TOP1: variants seen among roughly 807,000 people sequenced by gnomAD.
TOP1 encodes DNA topoisomerase 1.
A neutral mutation model predicts 111.1 loss-of-function variants in TOP1; 10 were observed. That is an observed-to-expected ratio of 0.09 (90% CI 0.06 to 0.15). The LOEUF (loss-of-function observed/expected upper bound fraction) is 0.15. TOP1 is among the 10% of genes least tolerant of loss of function. The probability of loss-of-function intolerance (pLI) is 1.00; values close to 1 mark genes in which losing one functional copy is unlikely to be tolerated. For missense variants in TOP1, 474 were observed against 926.7 expected (o/e 0.51, Z 6.34); for synonymous variants, 271 against 302.9 (o/e 0.89, Z 1.10).
At position 41,069,365 on chromosome 20, in the gene TOP1, T is replaced by G. The variant is rs2033644411; in HGVS notation, c.156-6806T>G. ...ACTAACATGGGTAGGCAGAGAAGAT[T>G]GAACAGTTTGGAAATGAGGAAACTC... On this transcript the variant is annotated intron_variant, in intron 3 of 20. Coordinates refer to ENST00000361337, the MANE Select transcript of TOP1 (RefSeq NM_003286.4). This position sits in a 1 kb window ranked among gnomAD's most constrained non-coding sequence, Gnocchi z 4.1. 6.6e-6 allele frequency among the ~76,000 whole-genome samples: 1 copy of G among 152,192 alleles called. No homozygotes were observed. Among genetic ancestry groups the G allele is most frequent in the Non-Finnish European group, 1.5e-5 (1 of 68,030 alleles).
chr20:41,044,812 C>G (rs949042024), intron 2 of TOP1, among the ~76,000 whole-genome samples: 4 of 151,926 alleles, frequency 2.6e-5, no homozygotes, highest in Non-Finnish European at 4.4e-5. Context: ...GAGAGAGAGA[C>G]AAGAGTCTTG....
chr20:41,061,379 C>A lies in TOP1; in HGVS notation c.59-15C>A. The A allele has an allele frequency of 6.2e-7, 1 of 1,612,838 alleles. No homozygotes were observed. The highest frequency in any genetic ancestry group is 1.3e-5 in the African/African-American group (1 of 75,000). The stretch of plus-strand genomic sequence containing the variant: ...TCATGACTCCTGTTAACTGACTCAT[C>A]TCTTATGGTTGCAGATTCTCATAAA... On this transcript the variant is annotated splice_polypyrimidine_tract_variant and intron_variant, in intron 2 of 20. Coordinates refer to ENST00000361337, the MANE Select transcript of TOP1 (RefSeq NM_003286.4). This position sits in a 1 kb window ranked among gnomAD's most constrained non-coding sequence, Gnocchi z 4.6.
Position 41,029,490 on chromosome 20 carries a change from C to T in TOP1, c.58+35C>T, listed in dbSNP as rs778916520. 6.5e-7 allele frequency: 1 copy of T among 1,547,028 alleles called. No homozygotes were observed. The highest frequency in any genetic ancestry group is 1.2e-5 in the South Asian group (1 of 85,330). On this transcript the variant is annotated intron_variant, in intron 2 of 20. Coordinates refer to ENST00000361337, the MANE Select transcript of TOP1 (RefSeq NM_003286.4). This position sits in a 1 kb window ranked among gnomAD's most constrained non-coding sequence, Gnocchi z 6.1. Reference sequence around the variant, plus strand: ...CCCCCTGCGCCGACTCCGGGGCCCCCCAGCCGCCGGCCGCCTCCCCCGCGC... The same window carrying T: ...CCCCCTGCGCCGACTCCGGGGCCCCTCAGCCGCCGGCCGCCTCCCCCGCGC...
chr20:41,117,380 A>T (rs984455871), intron 17 of TOP1, among the ~76,000 whole-genome samples: 8 of 85,530 alleles, frequency 9.4e-5, no homozygotes, highest in African/African-American at 2.4e-4. Context: ...CTGTGGCTTA[A>T]TTTTTTTTTT....
intron 2 of TOP1, among the ~76,000 whole-genome samples, chr20:41,039,965 A>G (rs1243462941): frequency 6.6e-6 from 1 of 152,230 alleles, no homozygotes; most frequent in African/African-American, 2.4e-5. Context: ...CGGAATGGCT[A>G]GAGATGGTCA....
At chr20:41,117,019 CA>C (rs2034340707) in intron 17 of TOP1, among the ~76,000 whole-genome samples, 1 of 152,122 alleles carries the variant, frequency 6.6e-6, no homozygotes, top group Non-Finnish European at 1.5e-5. Context: ...CAAATAAAAA[CA>C]ATTTTTTTGG....
At chr20:41,037,411 A>G (rs1156698619) in intron 2 of TOP1, among the ~76,000 whole-genome samples, 1 of 152,212 alleles carries the variant, frequency 6.6e-6, no homozygotes, top group East Asian at 1.9e-4. Context: ...CTTCTCCCCC[A>G]AAACGTTTTT....
intron 2 of TOP1, among the ~76,000 whole-genome samples, chr20:41,042,934 A>G (rs1486210503): frequency 6.6e-6 from 1 of 152,236 alleles, no homozygotes; most frequent in Non-Finnish European, 1.5e-5. Flanking sequence ...AAAAGCCTTC[A>G]TCCTCATTGT....
rs201884687 is a variant in TOP1, at chr20:41,101,366, T to G, written c.1308+13T>G. 10 of 1,613,292 alleles carry G rather than the reference T, an allele frequency of 6.2e-6. No homozygotes were observed. The East Asian group carries it at 2.0e-4, about 32-fold the overall frequency. On this transcript the variant is annotated intron_variant, in intron 13 of 20. Transcript: ENST00000361337. This position sits in a 1 kb window ranked among gnomAD's most constrained non-coding sequence, Gnocchi z 4.1. The stretch of plus-strand genomic sequence containing the variant: ...TTCACGAATCAAGGTAAGGGGATAG[T>G]TGAGAGCTGCACTGGTTCATGGTGC...
At chr20:41,090,207 T>A (rs1053872136) in intron 8 of TOP1, among the ~76,000 whole-genome samples, 5 of 152,118 alleles carry the variant, frequency 3.3e-5, no homozygotes, top group South Asian at 2.1e-4. Context: ...ACTCCTGACC[T>A]CAAGTGATCC....
Position 41,112,727 on chromosome 20 carries a change from C to T in TOP1, c.1309-55C>T, listed in dbSNP as rs571922554. 4.5e-5 allele frequency: 72 copies of T among 1,588,792 alleles called. No homozygotes were observed. Among genetic ancestry groups the T allele is most frequent in the Admixed American group, 1.6e-4 (9 of 57,686 alleles). On this transcript the variant is annotated intron_variant, in intron 13 of 20. Transcript: ENST00000361337. This position sits in a 1 kb window ranked among gnomAD's most constrained non-coding sequence, Gnocchi z 5.8. ...CACCTTGCCTGGCTATATTCAAAGTCTGTCTTTACTACACTGTCCCAAAGT... is the reference window on the plus strand; with the variant it reads ...CACCTTGCCTGGCTATATTCAAAGTTTGTCTTTACTACACTGTCCCAAAGT...
Position 41,115,281 on chromosome 20 carries a change from T to G in TOP1, c.1639-90T>G, listed in dbSNP as rs6129758. 0.15 allele frequency: 132,586 copies of G among 883,792 alleles called. 11,166 individuals are homozygous for G. The highest frequency in any genetic ancestry group is 0.25 in the East Asian group (9,830 of 38,978). The allele number at this position is 883,792 out of a possible 1,614,324, so 54.7% of individuals were successfully genotyped here. A position where few individuals can be genotyped will look rare whatever the true frequency, so the allele number is the denominator to read the frequency against. On this transcript the variant is annotated intron_variant, in intron 15 of 20. Coordinates refer to ENST00000361337, the MANE Select transcript of TOP1 (RefSeq NM_003286.4). The surrounding 1 kb of genome is among the most constrained non-coding windows in gnomAD (Gnocchi z 6.3). ...GATGTATGCGTGTTCCTTGTGCCTT[T>G]TTCTTTGCAAGTTTCTTTAAGTTTG...
intron 3 of TOP1, among the ~76,000 whole-genome samples, chr20:41,063,269 C>T (rs2033567702): frequency 6.6e-6 from 1 of 152,176 alleles, no homozygotes; most frequent in South Asian, 2.1e-4. Context: ...GGACATGATT[C>T]AGTTCTTTTT....
intron 2 of TOP1, among the ~76,000 whole-genome samples, chr20:41,044,379 G>C (rs2033307184): frequency 6.6e-6 from 1 of 152,232 alleles, no homozygotes; most frequent in African/African-American, 2.4e-5. Context: ...CTTCTATTAA[G>C]AGAGCAAAGG....
At chr20:41,081,682 C>G (rs2033790602) in intron 7 of TOP1, among the ~76,000 whole-genome samples, 1 of 152,194 alleles carries the variant, frequency 6.6e-6, no homozygotes, top group Admixed American at 6.5e-5. Context: ...ATATAATTGA[C>G]ACCCAAACTC....
In TOP1 at chr20:41,030,475, C is replaced by CTT. The variant is rs61582714; in HGVS notation, c.58+1032_58+1033dup. On this transcript the variant is annotated intron_variant, in intron 2 of 20. Coordinates refer to ENST00000361337, the MANE Select transcript of TOP1 (RefSeq NM_003286.4). This position sits in a 1 kb window ranked among gnomAD's most constrained non-coding sequence, Gnocchi z 4.1. ...CTGTTTTTCAGGAATCAAGAACTGGCTTTTTTTTTTTTTCCCAATTCTTTA... is the reference window on the plus strand; with the variant it reads ...CTGTTTTTCAGGAATCAAGAACTGGCTTTTTTTTTTTTTTTCCCAATTCTTTA... Among the ~76,000 whole-genome samples, 1 of 141,362 alleles carries CTT rather than the reference C, an allele frequency of 7.1e-6. No homozygotes were observed. Among genetic ancestry groups the CTT allele is most frequent in the Non-Finnish European group, 1.5e-5 (1 of 64,568 alleles). 92.7% of individuals were successfully genotyped at this position (141,362 alleles called of 152,430 possible).
Position 41,036,832 on chromosome 20 carries a change from C to CTTTTTTTT in TOP1, c.58+7386_58+7393dup, listed in dbSNP as rs56013409. Among the ~76,000 whole-genome samples the CTTTTTTTT allele has an allele frequency of 3.9e-5, 5 of 128,222 alleles. 1 individual carries two copies. Among genetic ancestry groups the CTTTTTTTT allele is most frequent in the African/African-American group, 5.9e-5 (2 of 34,128 alleles). 84.1% of individuals were successfully genotyped at this position (128,222 alleles called of 152,430 possible). ...AATTGTATATCTAGTTCCTACTTTT[C>CTTTTTTTT]TTTTTTTTTTTTTTTTGAGATGGAG... On this transcript the variant is annotated intron_variant, in intron 2 of 20. Coordinates refer to ENST00000361337, the MANE Select transcript of TOP1 (RefSeq NM_003286.4).
chr20:41,057,171 C>T (rs1438029947), intron 2 of TOP1, among the ~76,000 whole-genome samples: 1 of 151,964 alleles, frequency 6.6e-6, no homozygotes, highest in Non-Finnish European at 1.5e-5. Flanking sequence ...GAGGCTGAGG[C>T]AGGAGAATTG....
At position 41,097,268 on chromosome 20, in the gene TOP1, T is replaced by A; in HGVS notation, c.779T>A (p.Phe260Tyr). The change falls in exon 10 of 21, where the codon TTT becomes TAT. Residue 260 changes from phenylalanine (F) to tyrosine (Y), a missense_variant. By Grantham distance (22) the Phe-to-Tyr change is conservative. Coordinates refer to ENST00000361337, the MANE Select transcript of TOP1 (RefSeq NM_003286.4). The surrounding 1 kb of genome is among the most constrained non-coding windows in gnomAD (Gnocchi z 4.2). The stretch of plus-strand genomic sequence containing the variant: ...AAAGCAGAGGAAGTAGCTACGTTCT[T>A]TGCAAAAATGCTCGACCATGAATAT... ...SPKAEEVATF[F>Y]AKMLDHEYTT... is the part of the protein sequence containing the mutation. 1 of 1,613,990 alleles carries A rather than the reference T, an allele frequency of 6.2e-7. No homozygotes were observed. Among genetic ancestry groups the A allele is most frequent in the Non-Finnish European group, 8.5e-7 (1 of 1,179,970 alleles).
Sources: gnomAD v4.1 joint callset for allele counts (sites outside exome capture counted in the v4.1 genomes callset) on GRCh38, gnomAD v4.1.1 for gene constraint, Gnocchi (gnomAD v3.1) non-coding constraint, MANE v1.5 for transcripts, NCBI Gene and HGNC (gene_info 2026-07-23, HGNC 2026-07-21) for gene names.